The following AGO4 variants were observed in gnomAD, a reference collection of about 807,000 sequenced individuals.
The protein encoded by AGO4 is protein argonaute-4.
Under a neutral mutation model 104.7 loss-of-function variants are expected in AGO4, and 33 were observed. The observed-to-expected ratio is 0.32, with a 90% CI of 0.24 to 0.42. The LOEUF is 0.42. Among genes scored for constraint, AGO4 ranks in the 10% least tolerant of loss-of-function variants. AGO4 has a pLI of 1.00. For synonymous variants in AGO4, 331 were observed against 364.7 expected (o/e 0.91, Z 1.05); for missense variants, 711 against 1,083.4 (o/e 0.66, Z 4.83).
intron 15 of AGO4, among the ~76,000 whole-genome samples, chr1:35,845,957 A>G (rs1436161858): frequency 3.3e-5 from 5 of 152,240 alleles, no homozygotes; most frequent in Non-Finnish European, 7.3e-5. Flanking sequence ...GAAAAAAGAT[A>G]CATGACAAGC....
Position 35,850,861 on chromosome 1 carries a change from G to A in AGO4, c.2285G>A (p.Ser762Asn). The part of the protein sequence containing the change: ...LCSHAGIQGT[S>N]RPSHYQVLWD... ...ATAAAACTCTCTCCTCAGGGAACCAGCCGTCCCTCACATTACCAGGTCTTG... is the reference window on the plus strand; with the variant it reads ...ATAAAACTCTCTCCTCAGGGAACCAACCGTCCCTCACATTACCAGGTCTTG... Residue 762 changes from serine (S) to asparagine (N), a missense_variant, in exon 17 of 18, where the codon AGC (serine) becomes AAC (asparagine). Ser to Asn is a conservative substitution (Grantham distance 46, BLOSUM62 1). Transcript: ENST00000373210. The A allele has an allele frequency of 6.3e-7, 1 of 1,593,830 alleles. No individual in the cohort carries two copies. The highest frequency in any genetic ancestry group is 1.1e-5 in the South Asian group (1 of 90,512).
At chr1:35,828,838 A>T (rs1322118680) in intron 7 of AGO4, among the ~76,000 whole-genome samples, 1 of 152,110 alleles carries the variant, frequency 6.6e-6, no homozygotes, top group African/African-American at 2.4e-5. Context: ...CAACACTTCT[A>T]ATCTACTGAA....
chr1:35,834,766 G>GC (rs1644265824), intron 12 of AGO4, among the ~76,000 whole-genome samples: 1 of 152,098 alleles, frequency 6.6e-6, no homozygotes, highest in Non-Finnish European at 1.5e-5. Context: ...CATGATCACT[G>GC]CCCATCTCAG....
intron 16 of AGO4, 152 bp downstream of exon 16, chr1:35,850,410 A>G: frequency 1.4e-6 from 1 of 709,966 alleles, no homozygotes; most frequent in Non-Finnish European, 2.5e-6. Flanking sequence ...ATCTGCTTGT[A>G]GGTGTGCTAG....
chr1:35,826,988 T>C (rs1017511085), intron 7 of AGO4, among the ~76,000 whole-genome samples, 153 bp downstream of exon 7: 1 of 151,406 alleles, frequency 6.6e-6, no homozygotes, highest in African/African-American at 2.4e-5. Context: ...GATCATGAGG[T>C]CAGGAGTTCA....
At chr1:35,811,088 G>A (rs893764056) in intron 1 of AGO4, among the ~76,000 whole-genome samples, 1 of 152,054 alleles carries the variant, frequency 6.6e-6, no homozygotes, top group Admixed American at 6.6e-5. Context: ...GCGAGGCAGA[G>A]GATGCTGCGA....
At position 35,854,762 on chromosome 1, in the gene AGO4, TG is replaced by T. The variant is rs1327492039; in HGVS notation, c.*1158del. 6.6e-6 allele frequency: 1 copy of T among 152,666 alleles called. No individual in the cohort carries two copies. Among genetic ancestry groups the T allele is most frequent in the Non-Finnish European group, 1.5e-5 (1 of 68,038 alleles). 9.5% of individuals were successfully genotyped at this position (152,666 alleles called of 1,614,324 possible). On this transcript the variant is annotated 3_prime_UTR_variant, in exon 18 of 18. Transcript: ENST00000373210. ...GGCTTTGCCAGTCCTTAAGGTACAA[TG>T]AGTGATGCTGCAACTTGCAAATGTA...
At chr1:35,829,158 A>G (rs999898339) in intron 7 of AGO4, among the ~76,000 whole-genome samples, 2 of 152,172 alleles carry the variant, frequency 1.3e-5, no homozygotes, top group African/African-American at 4.8e-5. Context: ...TGAAATTTTC[A>G]GATGGCTTCT....
chr1:35,846,781 G>A (rs1358326134), intron 15 of AGO4, among the ~76,000 whole-genome samples: 1 of 151,842 alleles, frequency 6.6e-6, no homozygotes, highest in East Asian at 1.9e-4. Flanking sequence ...AGTTCTGTAG[G>A]CATCACCACA....
At chr1:35,832,683 AC>A in intron 11 of AGO4, 113 bp downstream of exon 11, 2 of 1,324,320 alleles carry the variant, frequency 1.5e-6, no homozygotes, top group Non-Finnish European at 1.0e-6. Flanking sequence ...CCATAGTGAC[AC>A]CATCTGGCTA....
chr1:35,816,327 C>G (rs557418307), intron 1 of AGO4, among the ~76,000 whole-genome samples: 2 of 152,274 alleles, frequency 1.3e-5, no homozygotes, highest in South Asian at 4.1e-4. Flanking sequence ...GAGAGGAATT[C>G]ATCATTCTAA....
rs192332137 is a variant in AGO4 at position 35,824,741 on chromosome 1, C to T, written c.307-572C>T. The stretch of plus-strand genomic sequence containing the variant: ...CCTTGAGCCCAGGACTTTGAGGCTA[C>T]AATAAGTTATTATTGCACCACTGCA... On this transcript the variant is annotated intron_variant, in intron 3 of 17. Transcript: ENST00000373210. Among the ~76,000 whole-genome samples the T allele has an allele frequency of 3.5e-3, 534 of 152,156 alleles. 2 individuals are homozygous for T. Among genetic ancestry groups the T allele is most frequent in the Non-Finnish European group, 6.1e-3 (413 of 67,994 alleles).
intron 7 of AGO4, among the ~76,000 whole-genome samples, chr1:35,830,730 C>T (rs1644160604): frequency 6.6e-6 from 1 of 152,000 alleles, no homozygotes. Context: ...GATCCCAGCA[C>T]TTTGGGAGGA....
At chr1:35,850,353 C>T in intron 16 of AGO4, 95 bp downstream of exon 16, 1 of 953,530 alleles carries the variant, frequency 1.0e-6, no homozygotes, top group Middle Eastern at 2.1e-4. Flanking sequence ...AACACCGTGC[C>T]TAACTTTGTT....
chr1:35,847,083 G>T lies in AGO4; in HGVS notation c.2176-3074G>T, dbSNP rs1460737015. Among the ~76,000 whole-genome samples the T allele has an allele frequency of 2.0e-5, 3 of 149,920 alleles. No homozygotes were observed. In the East Asian group the frequency reaches 5.8e-4, roughly 29 times the overall value. ...CATCCTCCCATATGTTTTAAAACAG[G>T]GGTGTCCAATCTTTTGGCTTCCTTG... On this transcript the variant is annotated intron_variant, in intron 15 of 17. Transcript: ENST00000373210.
chr1:35,833,729 AATT>A (rs1644240101), intron 11 of AGO4, among the ~76,000 whole-genome samples: 1 of 152,208 alleles, frequency 6.6e-6, no homozygotes, highest in Non-Finnish European at 1.5e-5. Flanking sequence ...AGCTGCACAT[AATT>A]ATTTAAAAAT....
chr1:35,826,528 A>T (rs1644024222), intron 6 of AGO4, among the ~76,000 whole-genome samples: 1 of 152,208 alleles, frequency 6.6e-6, no homozygotes, highest in African/African-American at 2.4e-5. Context: ...TATTTATTGG[A>T]TGAAATAATA....
At chr1:35,827,398 GTAATCCCAGCTGC>G (rs1027740234) in intron 7 of AGO4, among the ~76,000 whole-genome samples, 70 of 152,198 alleles carry the variant, frequency 4.6e-4, no homozygotes, top group African/African-American at 1.7e-3. Context: ...GCAGGCGCTT[GTAATCCCAGCTGC>G]TTGGGAGGTT....
chr1:35,833,854 T>C (rs1644243004), intron 11 of AGO4, 136 bp from the exon 12 acceptor site: 2 of 773,926 alleles, frequency 2.6e-6, no homozygotes. Flanking sequence ...CAGTTAAAGA[T>C]TTTTATTTAT....
Sources: gnomAD v4.1 joint callset for allele counts (sites outside exome capture counted in the v4.1 genomes callset) on GRCh38, gnomAD v4.1.1 for gene constraint, MANE v1.5 for transcripts, NCBI Gene and HGNC (gene_info 2026-07-23, HGNC 2026-07-21) for gene names.